Variants in ATP10A observed in about 807,000 individuals in gnomAD.
ATP10A encodes phospholipid-transporting ATPase VA.
A neutral mutation model predicts 147.8 loss-of-function variants in ATP10A; 111 were observed. That is an observed-to-expected ratio of 0.75 (90% CI 0.64 to 0.88). The LOEUF is 0.88. Ranked by LOEUF, ATP10A falls within the 40% of genes least tolerant of loss-of-function variation. The pLI is 0.00. For synonymous variants in ATP10A, 875 were observed against 841.6 expected (o/e 1.04, Z -0.69); for missense variants, 1,927 against 1,959.0 (o/e 0.98, Z 0.31).
Position 25,708,444 on chromosome 15 carries a change from T to A in ATP10A, c.2345-144A>T, listed in dbSNP as rs896248071. ...TATAGAATTCAAAGCAAAAATGAGC[T>A]GTTATGTTTTAAAAAAGAGTCTCAT... is the stretch of plus-strand genomic sequence containing the variant. On this transcript the variant is annotated intron_variant, in intron 10 of 20. Coordinates refer to ENST00000555815, the MANE Select transcript of ATP10A (RefSeq NM_024490.4). 5 of 654,628 alleles carry A rather than the reference T, an allele frequency of 7.6e-6. No homozygotes were observed. The African/African-American group carries it at 9.4e-5, about 12-fold the overall frequency. The allele number at this position is 654,628 out of a possible 1,614,324, so 40.6% of individuals were successfully genotyped here.
chr15:25,807,796 C>T (rs923184879), intron 1 of ATP10A, among the ~76,000 whole-genome samples: 2 of 148,416 alleles, frequency 1.3e-5, no homozygotes, highest in Admixed American at 6.9e-5. Context: ...GAGTGAAACT[C>T]CATCCCCCCG....
chr15:25,742,098 AGGTT>A (rs1431963839), intron 2 of ATP10A, among the ~76,000 whole-genome samples: 2 of 152,258 alleles, frequency 1.3e-5, no homozygotes, highest in African/African-American at 2.4e-5. Flanking sequence ...AGTGATAAGT[AGGTT>A]GGCCCAGCCG....
chr15:25,717,101 T>C (rs530147190), intron 8 of ATP10A, among the ~76,000 whole-genome samples, 177 bp from the exon 9 acceptor site: 1 of 152,364 alleles, frequency 6.6e-6, no homozygotes, highest in African/African-American at 2.4e-5. Flanking sequence ...GCACAAAATA[T>C]ACAGAGCTTC....
chr15:25,680,618 G>A (rs1899350658), intron 19 of ATP10A, among the ~76,000 whole-genome samples, 192 bp downstream of exon 19: 1 of 152,122 alleles, frequency 6.6e-6, no homozygotes, highest in Non-Finnish European at 1.5e-5. Context: ...GGAAGTGCGA[G>A]CATCAGGCTG....
At chr15:25,779,431 CGGGAACTGAGAGG>C (rs1889785990) in intron 2 of ATP10A, among the ~76,000 whole-genome samples, 1 of 152,178 alleles carries the variant, frequency 6.6e-6, no homozygotes, top group Admixed American at 6.5e-5. Context: ...GCTGAGACCC[CGGGAACTGAGAGG>C]GGATGCTGTC....
chr15:25,685,542 T>C (rs550948908), intron 16 of ATP10A, among the ~76,000 whole-genome samples: 1 of 152,280 alleles, frequency 6.6e-6, no homozygotes, highest in Admixed American at 6.5e-5. Flanking sequence ...TTTTAAGATT[T>C]AAAAGAAGAC....
chr15:25,852,228 CCTGTT>C (rs1287805898), intron 1 of ATP10A, among the ~76,000 whole-genome samples: 3 of 152,086 alleles, frequency 2.0e-5, no homozygotes, highest in East Asian at 1.9e-4. Flanking sequence ...TATCCTCCCT[CCTGTT>C]AAGTGCCATC....
At chr15:25,701,082 G>A (rs2140341659) in intron 13 of ATP10A, among the ~76,000 whole-genome samples, 1 of 152,296 alleles carries the variant, frequency 6.6e-6, no homozygotes, top group Non-Finnish European at 1.5e-5. Flanking sequence ...GGAACAAGGT[G>A]CGAGGGTCAC....
At chr15:25,702,675 C>T (rs1348946685) in intron 12 of ATP10A, among the ~76,000 whole-genome samples, 1 of 151,892 alleles carries the variant, frequency 6.6e-6, no homozygotes, top group East Asian at 1.9e-4. Flanking sequence ...AGTTGAGAGG[C>T]AGGTTTTGCC....
chr15:25,842,502 C>T (rs1014077705), intron 1 of ATP10A, among the ~76,000 whole-genome samples: 1 of 152,084 alleles, frequency 6.6e-6, no homozygotes, highest in African/African-American at 2.4e-5. Flanking sequence ...AAACCAGAAG[C>T]CCCTGTTTTT....
chr15:25,687,886 T>C (rs762611093), intron 15 of ATP10A, 58 bp from the exon 16 acceptor site: 3 of 1,610,010 alleles, frequency 1.9e-6, no homozygotes, highest in South Asian at 1.1e-5. Context: ...CAGATTTGTC[T>C]TCTCTTCTCA....
chr15:25,777,419 G>A (rs777648641), intron 2 of ATP10A, among the ~76,000 whole-genome samples: 3 of 152,078 alleles, frequency 2.0e-5, no homozygotes, highest in South Asian at 2.1e-4. Context: ...TAGCCTCCCC[G>A]GTCCCCAAGG....
chr15:25,713,881 C>T lies in ATP10A; in HGVS notation c.2137G>A (p.Val713Met). The T allele has an allele frequency of 1.2e-6, 2 of 1,613,836 alleles. No homozygotes were observed. The highest frequency in any genetic ancestry group is 1.7e-6 in the Non-Finnish European group (2 of 1,180,050). The change falls in exon 10 of 21, where the codon GTG becomes ATG. Residue 713 changes from valine to methionine, a missense_variant. Transcript: ENST00000555815. ...LVYAARAYNC[V>M]LVERLHDQVS... ...TGGTCGTGCAGCCGCTCCACAAGCA[C>T]GCAGTTGTAGGCTCTGGCCGCATAC... is the stretch of plus-strand genomic sequence containing the variant.
chr15:25,768,470 CCCAGGT>C (rs140273982), intron 2 of ATP10A, among the ~76,000 whole-genome samples: 1 of 152,018 alleles, frequency 6.6e-6, no homozygotes, highest in Admixed American at 6.5e-5. Flanking sequence ...CAACCCCAGA[CCCAGGT>C]CCAGGTCCAG....
chr15:25,805,035 G>A (rs891048234), intron 1 of ATP10A, among the ~76,000 whole-genome samples: 1 of 152,246 alleles, frequency 6.6e-6, no homozygotes, highest in Non-Finnish European at 1.5e-5. Context: ...CGCATTGCCA[G>A]AATGGGACCT....
chr15:25,757,258 T>C (rs984344228), intron 2 of ATP10A, among the ~76,000 whole-genome samples: 1 of 152,126 alleles, frequency 6.6e-6, no homozygotes, highest in Non-Finnish European at 1.5e-5. Context: ...GTGAGGAAGT[T>C]ACATGTTTCT....
intron 2 of ATP10A, among the ~76,000 whole-genome samples, chr15:25,764,088 T>G: frequency 6.6e-6 from 1 of 152,062 alleles, no homozygotes. Context: ...GGCACATGAA[T>G]CCCCCAGGAT....
chr15:25,763,767 C>A (rs776800396), intron 2 of ATP10A, among the ~76,000 whole-genome samples: 1 of 152,176 alleles, frequency 6.6e-6, no homozygotes, highest in Non-Finnish European at 1.5e-5. Context: ...ATAAGCTCCT[C>A]CCCTGTGGAT....
intron 2 of ATP10A, among the ~76,000 whole-genome samples, chr15:25,766,839 A>G (rs942178344): frequency 3.3e-5 from 5 of 151,822 alleles, no homozygotes; most frequent in Non-Finnish European, 5.9e-5. Context: ...ACCAGTCCCA[A>G]AAAACTCCCG....
Sources: allele counts gnomAD v4.1 joint callset (sites outside exome capture counted in the v4.1 genomes callset), GRCh38; gene constraint gnomAD v4.1.1; transcripts MANE v1.5; gene names NCBI Gene and HGNC (gene_info 2026-07-23, HGNC 2026-07-21).